The following PDE10A variants were observed in gnomAD, a reference collection of about 807,000 sequenced individuals.
The protein encoded by PDE10A is cAMP and cAMP-inhibited cGMP 3',5'-cyclic phosphodiesterase 10A.
In PDE10A, 39 loss-of-function variants were observed where a neutral mutation model predicts 97.7. That is an observed-to-expected ratio of 0.40 (90% CI 0.31 to 0.52). PDE10A has a LOEUF of 0.52. Ranked by LOEUF, PDE10A falls within the 20% of genes least tolerant of loss-of-function variation. PDE10A has a pLI of 0.56. For missense variants in PDE10A, 731 were observed against 1,047.8 expected (o/e 0.70, Z 4.17); for synonymous variants, 371 against 376.8 (o/e 0.98, Z 0.18).
At chr6:165,789,486 A>G (rs1360124469) in intron 1 of PDE10A, among the ~76,000 whole-genome samples, 2 of 152,210 alleles carry the variant, frequency 1.3e-5, no homozygotes, top group Admixed American at 6.5e-5. Flanking sequence ...TGAATGTACA[A>G]TGAAAAAGTT....
chr6:165,987,154 G>A (rs1164599511), intron 1 of PDE10A, among the ~76,000 whole-genome samples: 1 of 152,184 alleles, frequency 6.6e-6, no homozygotes, highest in African/African-American at 2.4e-5. Context: ...AGCCGCTGCG[G>A]TTTGCAGCTG....
intron 1 of PDE10A, among the ~76,000 whole-genome samples, chr6:165,971,414 C>T (rs748909037): frequency 6.6e-6 from 1 of 152,166 alleles, no homozygotes; most frequent in East Asian, 1.9e-4. Context: ...AGGGCTCATG[C>T]CACACCTTCT....
At chr6:165,496,767 T>C (rs1780560207) in intron 2 of PDE10A, among the ~76,000 whole-genome samples, 1 of 152,236 alleles carries the variant, frequency 6.6e-6, no homozygotes. Flanking sequence ...ACATTTTTAT[T>C]TGGTCACAAA....
At chr6:165,359,843 T>G (rs1049742754) in intron 18 of PDE10A, among the ~76,000 whole-genome samples, 8 of 152,184 alleles carry the variant, frequency 5.3e-5, no homozygotes, top group African/African-American at 1.9e-4. Flanking sequence ...ATTACAAACG[T>G]AAACTCATCC....
intron 1 of PDE10A, among the ~76,000 whole-genome samples, chr6:165,914,360 A>C (rs1437741541): frequency 6.6e-6 from 1 of 152,228 alleles, no homozygotes; most frequent in Non-Finnish European, 1.5e-5. Flanking sequence ...GTGTAGCTTC[A>C]TTGGGAGTTA....
At chr6:165,983,132 C>T (rs1254486387) in intron 1 of PDE10A, among the ~76,000 whole-genome samples, 1 of 152,014 alleles carries the variant, frequency 6.6e-6, no homozygotes, top group East Asian at 1.9e-4. Context: ...TCCAAGGAAA[C>T]ATTCAGTCTA....
intron 1 of PDE10A, among the ~76,000 whole-genome samples, chr6:165,642,810 T>C (rs1344665046): frequency 1.3e-5 from 2 of 152,240 alleles, no homozygotes; most frequent in South Asian, 2.1e-4. Context: ...TCTTGCGGCA[T>C]ACCTGCCAAA....
chr6:165,958,725 A>AAGAAAGAAAGAAAGAAAGAAAG (rs1389138661), intron 1 of PDE10A, among the ~76,000 whole-genome samples: 1 of 12,432 alleles, frequency 8.0e-5, no homozygotes, highest in Non-Finnish European at 1.4e-4. Flanking sequence ...AGAAGAAAGA[A>AAGAAAGAAAGAAAGAAAGAAAG]AGAAAGAAAG....
intron 1 of PDE10A, among the ~76,000 whole-genome samples, chr6:165,861,197 G>A (rs553282483): frequency 7.9e-5 from 12 of 152,286 alleles, no homozygotes; most frequent in African/African-American, 2.4e-4. Context: ...TCTGACTCCT[G>A]GAAGAGAAAG....
intron 1 of PDE10A, among the ~76,000 whole-genome samples, chr6:165,765,350 G>A (rs1158398774): frequency 2.0e-5 from 3 of 152,238 alleles, no homozygotes; most frequent in Admixed American, 1.3e-4. Context: ...GCGCTCCTCG[G>A]GGAGGCTCGG....
At position 165,686,434 on chromosome 6, in the gene PDE10A, C is replaced by T. The variant is rs868577054; in HGVS notation, c.-614-142866G>A. On this transcript the variant is annotated intron_variant, in intron 1 of 19. Coordinates refer to the PDE10A transcript ENST00000366882. The stretch of plus-strand genomic sequence containing the variant: ...GTTGTTGGATGTCTCTTTTACTTTC[C>T]GCCTTCAGGTGTAACATCCTGTTGC... 5.9e-5 allele frequency among the ~76,000 whole-genome samples: 9 copies of T among 152,280 alleles called. No homozygotes were observed. The South Asian group carries it at 8.3e-4, about 14-fold the overall frequency.
At chr6:165,814,043 G>C (rs1373268126) in intron 1 of PDE10A, among the ~76,000 whole-genome samples, 2 of 152,204 alleles carry the variant, frequency 1.3e-5, no homozygotes, top group South Asian at 4.1e-4. Flanking sequence ...TTCTAGAGTA[G>C]GGTGGATGAA....
chr6:165,565,409 T>C (rs1209274180), intron 1 of PDE10A, among the ~76,000 whole-genome samples: 1 of 152,058 alleles, frequency 6.6e-6, no homozygotes, highest in East Asian at 1.9e-4. Flanking sequence ...ACAAACTCTA[T>C]ATGAGAAAAG....
chr6:165,465,669 G>C (rs1778599481), intron 3 of PDE10A, among the ~76,000 whole-genome samples: 1 of 152,176 alleles, frequency 6.6e-6, no homozygotes, highest in East Asian at 1.9e-4. Context: ...CGGCAGGAGA[G>C]AGAATGAGTC....
intron 1 of PDE10A, among the ~76,000 whole-genome samples, chr6:165,686,229 A>G (rs1791113346): frequency 6.6e-6 from 1 of 151,838 alleles, no homozygotes; most frequent in African/African-American, 2.4e-5. Flanking sequence ...GCTACACTCC[A>G]AAGTGTGGGT....
chr6:165,432,447 C>T (rs1481338113), intron 7 of PDE10A, among the ~76,000 whole-genome samples: 2 of 152,004 alleles, frequency 1.3e-5, no homozygotes, highest in Non-Finnish European at 1.5e-5. Flanking sequence ...CAGGTGGGGT[C>T]GCAGGAGATG....
At position 165,463,422 on chromosome 6, in the gene PDE10A, G is replaced by T. The variant is rs115095369; in HGVS notation, c.1024-13060C>A. On this transcript the variant is annotated intron_variant, in intron 3 of 21. Coordinates refer to ENST00000539869, the MANE Select transcript of PDE10A (RefSeq NM_001385079.1). ...CAAATATTTAAAGCATCCCAGGCAC[G>T]CCTGAGCTTAATGCAAGGAACTGGA... Among the ~76,000 whole-genome samples, 496 of 152,342 alleles carry T rather than the reference G, an allele frequency of 3.3e-3. 3 individuals carry two copies. Among genetic ancestry groups the T allele is most frequent in the African/African-American group, 0.011 (453 of 41,578 alleles).
At chr6:165,538,357 C>T (rs1329365723) in intron 2 of PDE10A, among the ~76,000 whole-genome samples, 14 of 151,940 alleles carry the variant, frequency 9.2e-5, no homozygotes, top group Non-Finnish European at 2.1e-4. Context: ...GTGATACGGT[C>T]GGCTATTGAA....
intron 1 of PDE10A, chr6:165,774,793 T>C (rs1778122473): frequency 6.7e-6 from 1 of 149,106 alleles, no homozygotes; most frequent in African/African-American, 2.4e-5. Flanking sequence ...TCATTCTGGG[T>C]GGCTGGAATA....
Sources: allele counts gnomAD v4.1 joint callset (sites outside exome capture counted in the v4.1 genomes callset), GRCh38; gene constraint gnomAD v4.1.1; transcripts MANE v1.5; gene names NCBI Gene and HGNC (gene_info 2026-07-23, HGNC 2026-07-21).